EP300: variants seen among roughly 807,000 people sequenced by gnomAD.
EP300 encodes histone acetyltransferase p300.
EP300 carries 31 observed loss-of-function variants against 264.0 expected under a neutral mutation model. The observed-to-expected ratio is 0.12, with a 90% confidence interval of 0.09 to 0.16. The LOEUF (loss-of-function observed/expected upper bound fraction) is 0.16, where lower values mean the gene tolerates loss of function less well. Ranked by LOEUF, EP300 falls within the 10% of genes least tolerant of loss-of-function variation. EP300 has a pLI of 1.00. For missense variants in EP300, 2,766 were observed against 3,052.9 expected (o/e 0.91, Z 2.21); for synonymous variants, 1,340 against 1,045.4 (o/e 1.28, Z -5.44).
At chr22:41,117,113 T>G in intron 1 of EP300, 74 bp from the exon 2 acceptor site, 10 of 1,269,400 alleles carry the variant, frequency 7.9e-6, no homozygotes, top group Non-Finnish European at 1.1e-5. Flanking sequence ...TAATGCTTAT[T>G]GAGAACAATA....
At chr22:41,123,782 C>G (rs1007537693) in intron 2 of EP300, among the ~76,000 whole-genome samples, 2 of 152,098 alleles carry the variant, frequency 1.3e-5, no homozygotes, top group African/African-American at 4.8e-5. Flanking sequence ...AAGTTGACCC[C>G]ATTTTGAATT....
chr22:41,126,653 T>C (rs1223156118), intron 3 of EP300, among the ~76,000 whole-genome samples: 1 of 151,698 alleles, frequency 6.6e-6, no homozygotes, highest in Non-Finnish European at 1.5e-5. Flanking sequence ...GGACTGCCTA[T>C]ATTTGAGATA....
intron 7 of EP300, among the ~76,000 whole-genome samples, chr22:41,136,788 A>G (rs1371072509): frequency 6.6e-6 from 1 of 152,132 alleles, no homozygotes; most frequent in East Asian, 1.9e-4. Flanking sequence ...TGGGCCGAGC[A>G]TGGCAGCTCC....
At chr22:41,176,153 G>A in intron 29 of EP300, 94 bp from the exon 30 acceptor site, 1 of 1,440,852 alleles carries the variant, frequency 6.9e-7, no homozygotes, top group Non-Finnish European at 9.6e-7. Context: ...CCAGGAGGCA[G>A]AGGTTGTAGT....
intron 1 of EP300, among the ~76,000 whole-genome samples, chr22:41,093,507 CT>C (rs1489820758): frequency 2.6e-5 from 4 of 152,152 alleles, no homozygotes; most frequent in African/African-American, 9.7e-5. Flanking sequence ...TGTGTTTCCT[CT>C]ACTTTCCACT....
intron 29 of EP300, among the ~76,000 whole-genome samples, chr22:41,175,506 G>T (rs1031996016): frequency 6.6e-6 from 1 of 152,156 alleles, no homozygotes; most frequent in Non-Finnish European, 1.5e-5. Context: ...AAACTTCAAT[G>T]AACAAGAATT....
chr22:41,110,320 T>G (rs1303045692), intron 1 of EP300, among the ~76,000 whole-genome samples: 13 of 77,090 alleles, frequency 1.7e-4, no homozygotes, highest in Non-Finnish European at 3.2e-4. Context: ...TTTTTTTTTT[T>G]GAGACAAAGT....
chr22:41,131,427 G>A lies in EP300; in HGVS notation c.1322G>A (p.Ser441Asn). The A allele has an allele frequency of 1.2e-6, 2 of 1,614,018 alleles. No individual in the cohort carries two copies. The highest frequency in any genetic ancestry group is 8.5e-7 in the Non-Finnish European group (1 of 1,180,008). The part of the protein sequence containing the change: ...TGAPVGLGNP[S>N]SLGVGQQSAP... ...GCACCCGTTGGACTTGGAAATCCTA[G>A]CTCTCTAGGGGTGGGTCAACAGTCT... Residue 441 changes from serine to asparagine, a missense_variant, in exon 6 of 31, where the codon AGC becomes AAC. Ser to Asn is a conservative substitution (Grantham distance 46, BLOSUM62 1). Coordinates refer to ENST00000263253, the MANE Select transcript of EP300 (RefSeq NM_001429.4).
chr22:41,104,210 T>A (rs1830520838), intron 1 of EP300, among the ~76,000 whole-genome samples: 1 of 152,174 alleles, frequency 6.6e-6, no homozygotes, highest in Non-Finnish European at 1.5e-5. Flanking sequence ...GCACACAATT[T>A]AGGCTTACTA....
rs911494106 is a variant in EP300 at position 41,177,478 on chromosome 22, C to T, written c.5767C>T (p.Pro1923Ser). ...TAQPPLPGPP[P>S]AAVEMAMQIQ... is the part of the protein sequence containing the mutation. Reference sequence around the variant, plus strand: ...TCAGCCACCCCTTCCAGGGCCCCCACCTGCAGCAGTGGAAATGGCAATGCA... The same window carrying T: ...TCAGCCACCCCTTCCAGGGCCCCCATCTGCAGCAGTGGAAATGGCAATGCA... Residue 1923 changes from proline (P) to serine (S), a missense_variant, in exon 31 of 31, where the codon CCT becomes TCT. By Grantham distance (74) the Pro-to-Ser change is moderately conservative. Transcript: ENST00000263253. 4 of 1,614,200 alleles carry T rather than the reference C, an allele frequency of 2.5e-6. No individual in the cohort carries two copies. Among genetic ancestry groups the T allele is most frequent in the Non-Finnish European group, 3.4e-6 (4 of 1,180,038 alleles).
At chr22:41,119,917 C>T (rs897011814) in intron 2 of EP300, among the ~76,000 whole-genome samples, 2 of 152,116 alleles carry the variant, frequency 1.3e-5, no homozygotes, top group African/African-American at 4.8e-5. Context: ...CGGGTTCAGG[C>T]AGTTCTCCTG....
At chr22:41,103,751 T>C (rs139071538) in intron 1 of EP300, among the ~76,000 whole-genome samples, 2 of 152,346 alleles carry the variant, frequency 1.3e-5, no homozygotes, top group Non-Finnish European at 2.9e-5. Flanking sequence ...ATTTGCCATT[T>C]ATCTTAGCAT....
At chr22:41,143,676 G>A (rs563687731) in intron 10 of EP300, among the ~76,000 whole-genome samples, 4 of 151,904 alleles carry the variant, frequency 2.6e-5, no homozygotes, top group South Asian at 2.1e-4. Flanking sequence ...CCCAGATTCA[G>A]TTGATTCTTG....
intron 22 of EP300, among the ~76,000 whole-genome samples, chr22:41,164,946 C>T (rs1472912926): frequency 1.3e-5 from 2 of 152,126 alleles, no homozygotes; most frequent in Non-Finnish European, 2.9e-5. Flanking sequence ...ACATCCAGTG[C>T]CTCTCATTAA....
chr22:41,140,950 A>T, intron 9 of EP300, 98 bp from the exon 10 acceptor site: 1 of 1,191,628 alleles, frequency 8.4e-7, no homozygotes, highest in Non-Finnish European at 1.2e-6. Context: ...GCAGCATATA[A>T]AATGAAACTA....
chr22:41,147,495 T>C (rs534559077), intron 11 of EP300, among the ~76,000 whole-genome samples: 1 of 152,214 alleles, frequency 6.6e-6, no homozygotes, highest in African/African-American at 2.4e-5. Context: ...CCCAGCACTT[T>C]GGGAGGCTGA....
rs117714547 is a variant in EP300, at chr22:41,109,318, C to T, written c.95-7869C>T. Among the ~76,000 whole-genome samples the T allele has an allele frequency of 1.9e-3, 285 of 151,766 alleles. 2 individuals are homozygous for T. The East Asian group carries it at 0.019, about 10-fold the overall frequency. ...CAGCAATCAAATACAATAGATTTGG[C>T]TTCAGTAAATGAAAACCCTCACTGT... On this transcript the variant is annotated intron_variant, in intron 1 of 30. Transcript: ENST00000263253.
chr22:41,137,892 T>G (rs1435178778), intron 8 of EP300, 102 bp downstream of exon 8: 23 of 1,515,156 alleles, frequency 1.5e-5, no homozygotes, highest in Non-Finnish European at 2.1e-5. Flanking sequence ...TAGCAATTTT[T>G]CTGTAGCATG....
chr22:41,142,796 G>C (rs1296010871), intron 10 of EP300, among the ~76,000 whole-genome samples: 2 of 152,038 alleles, frequency 1.3e-5, no homozygotes, highest in Non-Finnish European at 2.9e-5. Flanking sequence ...TGAGGCAGGA[G>C]AACAGTGTGA....
Sources: gnomAD v4.1 joint callset for allele counts (sites outside exome capture counted in the v4.1 genomes callset) on GRCh38, gnomAD v4.1.1 for gene constraint, MANE v1.5 for transcripts, NCBI Gene and HGNC (gene_info 2026-07-23, HGNC 2026-07-21) for gene names.